Variants in TENM2 observed in about 807,000 individuals in gnomAD.
The protein encoded by TENM2 is teneurin-2.
In TENM2, 52 loss-of-function variants were observed where a neutral mutation model predicts 245.2. The observed-to-expected ratio is 0.21, with a 90% CI of 0.17 to 0.27. TENM2 has a LOEUF of 0.27. TENM2 is among the 10% of genes least tolerant of loss of function. TENM2 has a pLI of 1.00. For synonymous variants in TENM2, 1,363 were observed against 1,438.9 expected (o/e 0.95, Z 1.19); for missense variants, 3,046 against 3,666.8 (o/e 0.83, Z 4.37).
At chr5:167,601,004 C>A (rs1474527169) in intron 2 of TENM2, among the ~76,000 whole-genome samples, 1 of 152,176 alleles carries the variant, frequency 6.6e-6, no homozygotes, top group Non-Finnish European at 1.5e-5. Context: ...TTATCAAGTG[C>A]CAGCTTTATG....
chr5:167,467,372 T>G (rs1766731114), intron 2 of TENM2, among the ~76,000 whole-genome samples: 1 of 152,124 alleles, frequency 6.6e-6, no homozygotes, highest in Non-Finnish European at 1.5e-5. Context: ...TGTGAGTCCA[T>G]TAAACCTCCT....
chr5:167,845,566 T>C lies in TENM2; in HGVS notation c.503-30420T>C, dbSNP rs116943964. Among the ~76,000 whole-genome samples, 91 of 152,178 alleles carry C rather than the reference T, an allele frequency of 6.0e-4. No homozygotes were observed. In the East Asian group the frequency reaches 0.017, roughly 29 times the overall value. ...TTGTTCCAGTGTTGGGCAGGTCACATAGATGCTTAAAACAGCTGGCATATG... is the reference window on the plus strand; with the variant it reads ...TTGTTCCAGTGTTGGGCAGGTCACACAGATGCTTAAAACAGCTGGCATATG... On this transcript the variant is annotated intron_variant, in intron 2 of 28. Transcript: ENST00000518659.
intron 7 of TENM2, among the ~76,000 whole-genome samples, chr5:168,063,709 T>C (rs1193745245): frequency 6.6e-6 from 1 of 152,180 alleles, no homozygotes; most frequent in Non-Finnish European, 1.5e-5. Context: ...ACAGCACTTT[T>C]CCTTACTGAG....
At chr5:167,755,333 G>A (rs145577139) in intron 2 of TENM2, 401 of 596,478 alleles carry the variant, frequency 6.7e-4, no homozygotes, top group Non-Finnish European at 1.0e-3. Context: ...ATTTGATTTC[G>A]CACCGCAGTT....
chr5:167,413,767 C>T, intron 2 of TENM2, among the ~76,000 whole-genome samples: 1 of 152,084 alleles, frequency 6.6e-6, no homozygotes, highest in Non-Finnish European at 1.5e-5. Flanking sequence ...GAGTGCAATT[C>T]TAAATTTATG....
At chr5:167,132,695 T>C in the TENM2 span, among the ~76,000 whole-genome samples, 2 of 152,216 alleles carry the variant, frequency 1.3e-5, no homozygotes, top group South Asian at 4.1e-4. Context: ...ATGACACATC[T>C]TCCATGAACA....
At chr5:168,240,059 A>C (rs1765946805) in intron 25 of TENM2, among the ~76,000 whole-genome samples, 1 of 152,182 alleles carries the variant, frequency 6.6e-6, no homozygotes, top group African/African-American at 2.4e-5. Context: ...CTCTACTAAA[A>C]AAATGTAAAA....
chr5:167,331,471 T>C (rs374230749), intron 1 of TENM2, among the ~76,000 whole-genome samples: 18 of 152,174 alleles, frequency 1.2e-4, no homozygotes, highest in Admixed American at 1.2e-3. Flanking sequence ...AACGCATGAA[T>C]GTACCTACAG....
Position 167,299,318 on chromosome 5 carries a change from G to T in TENM2, c.226+14255G>T, listed in dbSNP as rs377153703. 1.9e-4 allele frequency among the ~76,000 whole-genome samples: 29 copies of T among 152,308 alleles called. No individual in the cohort carries two copies. In the East Asian group the frequency reaches 4.8e-3, roughly 25 times the overall value. Reference sequence around the variant, plus strand: ...TTATGTCTGACAGAAGGAAAGAAATGACTGCAGTGGCCTTCTCAGACCCTG... The same window carrying T: ...TTATGTCTGACAGAAGGAAAGAAATTACTGCAGTGGCCTTCTCAGACCCTG... On this transcript the variant is annotated intron_variant, in intron 1 of 28. Coordinates refer to ENST00000518659, the Ensembl canonical transcript of TENM2.
At chr5:168,003,339 A>ACACACC (rs1029364503) in intron 5 of TENM2, among the ~76,000 whole-genome samples, 1 of 130,216 alleles carries the variant, frequency 7.7e-6, no homozygotes, top group Non-Finnish European at 1.6e-5. Flanking sequence ...ACACACACAC[A>ACACACC]CACACACCCC....
the TENM2 span, among the ~76,000 whole-genome samples, chr5:167,070,772 C>T: frequency 6.6e-6 from 1 of 152,090 alleles, no homozygotes; most frequent in Non-Finnish European, 1.5e-5. Flanking sequence ...TTAATCCTTA[C>T]ACTGTACCCA....
Position 167,805,714 on chromosome 5 carries a change from T to A in TENM2, c.503-70272T>A, listed in dbSNP as rs116658105. 5.8e-3 allele frequency among the ~76,000 whole-genome samples: 887 copies of A among 152,242 alleles called. 7 individuals carry two copies. Among genetic ancestry groups the A allele is most frequent in the African/African-American group, 0.02 (843 of 41,542 alleles). On this transcript the variant is annotated intron_variant, in intron 2 of 28. Transcript: ENST00000518659. ...AAATGGCTATGAATTCCCTTGAAGT[T>A]TTGTGTTCTAAAAGACCTGATGCCT...
intron 16 of TENM2, among the ~76,000 whole-genome samples, chr5:168,199,391 G>A (rs1288945844): frequency 1.3e-5 from 2 of 152,190 alleles, no homozygotes; most frequent in African/African-American, 4.8e-5. Context: ...ATTGCTTTTT[G>A]TTCCTGTTAG....
At chr5:167,010,753 T>G in the TENM2 span, among the ~76,000 whole-genome samples, 1 of 152,238 alleles carries the variant, frequency 6.6e-6, no homozygotes, top group Non-Finnish European at 1.5e-5. Context: ...TTCTATTTTT[T>G]GTTGTTTTTG....
intron 1 of TENM2, among the ~76,000 whole-genome samples, chr5:167,293,349 G>A (rs967903451): frequency 6.6e-6 from 1 of 150,850 alleles, no homozygotes; most frequent in Non-Finnish European, 1.5e-5. Flanking sequence ...TTACAGGGAT[G>A]CGTCACCATG....
chr5:167,822,830 A>G (rs1291563710), intron 2 of TENM2, among the ~76,000 whole-genome samples: 1 of 152,248 alleles, frequency 6.6e-6, no homozygotes, highest in Admixed American at 6.5e-5. Context: ...AACATTTAGC[A>G]TCAGTACCAA....
intron 13 of TENM2, among the ~76,000 whole-genome samples, chr5:168,187,998 C>T (rs1760626589): frequency 6.6e-6 from 1 of 152,154 alleles, no homozygotes; most frequent in Non-Finnish European, 1.5e-5. Context: ...GGCACATGAG[C>T]AACATTTGCC....
chr5:167,218,018 G>A, the TENM2 span, among the ~76,000 whole-genome samples: 1 of 152,080 alleles, frequency 6.6e-6, no homozygotes, highest in Admixed American at 6.6e-5. Flanking sequence ...GTAAAACATC[G>A]CACTGAGATT....
At chr5:167,469,683 T>C (rs1582135438) in intron 2 of TENM2, among the ~76,000 whole-genome samples, 1 of 152,122 alleles carries the variant, frequency 6.6e-6, no homozygotes, top group Non-Finnish European at 1.5e-5. Context: ...TTCTTTTTCC[T>C]TTACATTTTT....
Sources: allele counts gnomAD v4.1 joint callset (sites outside exome capture counted in the v4.1 genomes callset), GRCh38; gene constraint gnomAD v4.1.1; transcripts MANE v1.5; gene names NCBI Gene and HGNC (gene_info 2026-07-23, HGNC 2026-07-21).